The following NAV3 variants were observed in gnomAD, a reference collection of about 807,000 sequenced individuals.
NAV3 encodes the protein pore membrane and/or filament interacting like protein 1.
A neutral mutation model predicts 244.7 loss-of-function variants in NAV3; 87 were observed. That is an observed-to-expected ratio of 0.36 (90% CI 0.30 to 0.42). The LOEUF is 0.42. Among genes scored for constraint, NAV3 ranks in the 20% least tolerant of loss-of-function variants. NAV3 has a pLI of 1.00. For missense variants in NAV3, 2,663 were observed against 2,893.3 expected (o/e 0.92, Z 1.83); for synonymous variants, 1,126 against 1,042.2 (o/e 1.08, Z -1.55).
At chr12:78,026,235 C>A (rs948344405) in intron 9 of NAV3, among the ~76,000 whole-genome samples, 1 of 152,140 alleles carries the variant, frequency 6.6e-6, no homozygotes, top group Non-Finnish European at 1.5e-5. Context: ...AGTTCTCTCC[C>A]CGGAACTCTG....
At chr12:77,869,532 C>G (rs1232371403) in intron 1 of NAV3, among the ~76,000 whole-genome samples, 2 of 152,142 alleles carry the variant, frequency 1.3e-5, no homozygotes, top group Non-Finnish European at 2.9e-5. Flanking sequence ...GTTCTCTTCT[C>G]AAGAATTTTT....
At chr12:77,780,430 A>T (rs1447423563) in intron 2 of NAV3, among the ~76,000 whole-genome samples, 2 of 152,210 alleles carry the variant, frequency 1.3e-5, no homozygotes, top group Non-Finnish European at 2.9e-5. Flanking sequence ...GACAGATTTT[A>T]TTCAAAATGA....
At chr12:77,798,350 CATTGTT>C (rs1209573922) in intron 2 of NAV3, among the ~76,000 whole-genome samples, 1 of 151,996 alleles carries the variant, frequency 6.6e-6, no homozygotes, top group Non-Finnish European at 1.5e-5. Context: ...TTTTGAAACT[CATTGTT>C]ATTAAGATAT....
intron 2 of NAV3, among the ~76,000 whole-genome samples, chr12:77,575,963 G>T (rs2136657455): frequency 6.6e-6 from 1 of 152,208 alleles, no homozygotes; most frequent in South Asian, 2.1e-4. Context: ...TATTGTGTAT[G>T]TTTAGAGGTA....
chr12:77,688,279 G>A (rs1662067020), intron 2 of NAV3, among the ~76,000 whole-genome samples: 1 of 151,812 alleles, frequency 6.6e-6, no homozygotes, highest in South Asian at 2.1e-4. Flanking sequence ...TTGATAAAGG[G>A]GACACAGACA....
chr12:78,087,433 C>A (rs1033683258), intron 12 of NAV3, among the ~76,000 whole-genome samples: 1 of 151,896 alleles, frequency 6.6e-6, no homozygotes, highest in Non-Finnish European at 1.5e-5. Flanking sequence ...TCAGAAGGAA[C>A]CCCAAAGCAT....
At chr12:77,687,045 T>C (rs1009127525) in intron 2 of NAV3, among the ~76,000 whole-genome samples, 1 of 152,104 alleles carries the variant, frequency 6.6e-6, no homozygotes, top group Non-Finnish European at 1.5e-5. Flanking sequence ...ATTAACTAAA[T>C]CTGTAATTTC....
chr12:77,645,269 ATT>A (rs151191774), intron 2 of NAV3, among the ~76,000 whole-genome samples: 1 of 150,546 alleles, frequency 6.6e-6, no homozygotes, highest in African/African-American at 2.4e-5. Flanking sequence ...AAATCTTATG[ATT>A]TTTTTTTTCT....
chr12:77,707,955 T>A (rs1035754752), intron 2 of NAV3, among the ~76,000 whole-genome samples: 1 of 152,226 alleles, frequency 6.6e-6, no homozygotes, highest in Non-Finnish European at 1.5e-5. Context: ...ATTTTGGATA[T>A]TAGCCCTTTG....
chr12:78,159,432 G>A, intron 23 of NAV3, 146 bp downstream of exon 23: 5 of 663,526 alleles, frequency 7.5e-6, no homozygotes, highest in Non-Finnish European at 9.8e-6. Context: ...GGGAGACCAA[G>A]GTGGGTGGAT....
At chr12:78,178,008 G>GTTT (rs3054760) in intron 28 of NAV3, among the ~76,000 whole-genome samples, 16 of 149,636 alleles carry the variant, frequency 1.1e-4, no homozygotes, top group African/African-American at 3.9e-4. Flanking sequence ...TGTATATTAT[G>GTTT]TTTTTTTTTT....
At chr12:77,850,457 G>A (rs1165146934) in intron 1 of NAV3, among the ~76,000 whole-genome samples, 1 of 152,114 alleles carries the variant, frequency 6.6e-6, no homozygotes, top group Non-Finnish European at 1.5e-5. Context: ...CTTATCAAAT[G>A]TACAAGAAAA....
At chr12:77,845,367 C>T (rs1329637006) in intron 1 of NAV3, among the ~76,000 whole-genome samples, 1 of 152,068 alleles carries the variant, frequency 6.6e-6, no homozygotes, top group Admixed American at 6.5e-5. Context: ...TGACTAAGAA[C>T]CTATAACATC....
At chr12:78,034,688 C>A (rs1879558042) in intron 9 of NAV3, among the ~76,000 whole-genome samples, 1 of 152,120 alleles carries the variant, frequency 6.6e-6, no homozygotes, top group Non-Finnish European at 1.5e-5. Flanking sequence ...ATGTTAAATA[C>A]ATTGAAATTT....
At chr12:77,630,847 G>A (rs1346287504) in intron 2 of NAV3, among the ~76,000 whole-genome samples, 1 of 152,066 alleles carries the variant, frequency 6.6e-6, no homozygotes, top group East Asian at 1.9e-4. Flanking sequence ...TGAATGCTAG[G>A]TGAACAACTT....
At chr12:78,201,298 T>C (rs894671346) in intron 38 of NAV3, among the ~76,000 whole-genome samples, 2 of 151,936 alleles carry the variant, frequency 1.3e-5, no homozygotes, top group African/African-American at 2.4e-5. Flanking sequence ...AATTGCTTTT[T>C]CCTTTTTTTC....
At chr12:77,712,486 A>G (rs144321153) in intron 2 of NAV3, among the ~76,000 whole-genome samples, 78 of 152,308 alleles carry the variant, frequency 5.1e-4, no homozygotes, top group African/African-American at 1.8e-3. Flanking sequence ...AATGAGTTAG[A>G]GACCAAAGTA....
At chr12:77,625,689 T>C (rs1178412680) in intron 2 of NAV3, among the ~76,000 whole-genome samples, 2 of 152,180 alleles carry the variant, frequency 1.3e-5, no homozygotes, top group Non-Finnish European at 2.9e-5. Context: ...CCACTGGTGC[T>C]GATTACAGCA....
intron 1 of NAV3, among the ~76,000 whole-genome samples, chr12:77,926,211 G>T (rs891450777): frequency 6.6e-6 from 1 of 151,938 alleles, no homozygotes; most frequent in Non-Finnish European, 1.5e-5. Flanking sequence ...CAATCCCTTG[G>T]CCACTTCTTT....
Sources: allele counts gnomAD v4.1 joint callset (sites outside exome capture counted in the v4.1 genomes callset), GRCh38; gene constraint gnomAD v4.1.1; transcripts MANE v1.5; gene names NCBI Gene and HGNC (gene_info 2026-07-23, HGNC 2026-07-21).